Variants in LHX4 observed in about 807,000 individuals in gnomAD.
LHX4 encodes the protein LIM/homeobox protein Lhx4.
A neutral mutation model predicts 39.2 loss-of-function variants in LHX4; 16 were observed. That is an observed-to-expected ratio of 0.41 (90% confidence interval 0.28 to 0.62). The LOEUF (loss-of-function observed/expected upper bound fraction) is 0.62. LHX4 is among the 20% of genes least tolerant of loss of function. LHX4 has a pLI of 0.33. For missense variants in LHX4, 439 were observed against 511.9 expected (o/e 0.86, Z 1.37); for synonymous variants, 206 against 198.1 (o/e 1.04, Z -0.33).
At chr1:180,270,308 G>C (rs1391373834) in intron 3 of LHX4, 2 of 152,322 alleles carry the variant, frequency 1.3e-5, no homozygotes, top group African/African-American at 4.8e-5. Context: ...AGAAAAGACA[G>C]AGAGGAAGTC....
chr1:180,278,547 C>G lies in LHX4; in HGVS notation c.*3968C>G, dbSNP rs1298169661. On this transcript the variant is annotated 3_prime_UTR_variant, in exon 6 of 6. Coordinates refer to ENST00000263726, the MANE Select transcript of LHX4 (RefSeq NM_033343.4). The stretch of plus-strand genomic sequence containing the variant: ...AGGTTTGGGAGGTGCACCAAGCATT[C>G]CTTTGCTTAGGGAGGCAGAGCACAG... The G allele has an allele frequency of 6.6e-6, 1 of 152,052 alleles. No individual in the cohort carries two copies. Among genetic ancestry groups the G allele is most frequent in the African/African-American group, 2.4e-5 (1 of 41,358 alleles). 9.4% of individuals were successfully genotyped at this position (152,052 alleles called of 1,614,324 possible). A position where few individuals can be genotyped will look rare whatever the true frequency, so the allele number is the denominator to read the frequency against.
In LHX4 at chr1:180,234,311, C is replaced by A. The variant is rs1024798453; in HGVS notation, c.76+3706C>A. On this transcript the variant is annotated intron_variant, in intron 1 of 5. Coordinates refer to ENST00000263726, the MANE Select transcript of LHX4 (RefSeq NM_033343.4). This position sits in a 1 kb window ranked among gnomAD's most constrained non-coding sequence, Gnocchi z 4.8. ...CCTCCCTGCGTCGCGAGAATATATT[C>A]TCAGGCAGGAGACAATTTTTACAGA... Among the ~76,000 whole-genome samples the A allele has an allele frequency of 1.3e-5, 2 of 151,046 alleles. No homozygotes were observed. Among genetic ancestry groups the A allele is most frequent in the South Asian group, 2.1e-4 (1 of 4,798 alleles).
At chr1:180,257,716 A>G (rs1647917258) in intron 2 of LHX4, among the ~76,000 whole-genome samples, 1 of 152,260 alleles carries the variant, frequency 6.6e-6, no homozygotes, top group Non-Finnish European at 1.5e-5. Context: ...AATCACCGCC[A>G]AGCAATTAAA....
At position 180,275,111 on chromosome 1, in the gene LHX4, T is replaced by C. The variant is rs1648950822; in HGVS notation, c.*532T>C. ...TCAGTTATTAAAGGTCAGTGAACAC[T>C]TTGATGGCCAGTTTGATATTAAAAA... On this transcript the variant is annotated 3_prime_UTR_variant, in exon 6 of 6. Coordinates refer to ENST00000263726, the MANE Select transcript of LHX4 (RefSeq NM_033343.4). 6.6e-6 allele frequency: 1 copy of C among 152,510 alleles called. No homozygotes were observed. Among genetic ancestry groups the C allele is most frequent in the Non-Finnish European group, 1.5e-5 (1 of 68,214 alleles). 9.4% of individuals were successfully genotyped at this position (152,510 alleles called of 1,614,324 possible). A position where few individuals can be genotyped will look rare whatever the true frequency, so the allele number is the denominator to read the frequency against.
Position 180,230,563 on chromosome 1 carries a change from G to A in LHX4, c.34G>A (p.Ala12Thr), listed in dbSNP as rs749966063. 4 of 1,613,870 alleles carry A rather than the reference G, an allele frequency of 2.5e-6. No homozygotes were observed. Among genetic ancestry groups the A allele is most frequent in the Non-Finnish European group, 3.4e-6 (4 of 1,179,998 alleles). The change falls in exon 1 of 6, where the codon GCT becomes ACT. Residue 12 changes from alanine (A) to threonine (T), a missense_variant. Physicochemically the swap from Ala to Thr is moderately conservative, Grantham distance 58 (BLOSUM62 0). Transcript: ENST00000263726. The surrounding 1 kb of genome is among the most constrained non-coding windows in gnomAD (Gnocchi z 5.8). ...GAGTGCGACTGTCCCCGCGGAAGGG[G>A]CTGTCAAGGGGCTCCCGGAGATGCT... The part of the protein sequence containing the change: ...MQSATVPAEG[A>T]VKGLPEMLGV...
intron 2 of LHX4, among the ~76,000 whole-genome samples, chr1:180,250,273 G>C: frequency 6.6e-6 from 1 of 151,854 alleles, no homozygotes; most frequent in Non-Finnish European, 1.5e-5. Context: ...TCCTGGCCAA[G>C]CACCACAGCA....
At position 180,266,934 on chromosome 1, in the gene LHX4, T is replaced by C. The variant is rs572680406; in HGVS notation, c.451+340T>C. 6.6e-6 allele frequency among the ~76,000 whole-genome samples: 1 copy of C among 152,240 alleles called. No individual in the cohort carries two copies. Among genetic ancestry groups the C allele is most frequent in the Admixed American group, 6.5e-5 (1 of 15,298 alleles). On this transcript the variant is annotated intron_variant, in intron 3 of 5. Coordinates refer to ENST00000263726, the MANE Select transcript of LHX4 (RefSeq NM_033343.4). This position sits in a 1 kb window ranked among gnomAD's most constrained non-coding sequence, Gnocchi z 5.7. ...GGAGGCTGGGGTGCTGAGGGGTGGCTGGGAGCTTGGTCTGTATTGGACACG... is the reference window on the plus strand; with the variant it reads ...GGAGGCTGGGGTGCTGAGGGGTGGCCGGGAGCTTGGTCTGTATTGGACACG...
At position 180,234,356 on chromosome 1, in the gene LHX4, C is replaced by T. The variant is rs951332860; in HGVS notation, c.76+3751C>T. 2.0e-5 allele frequency among the ~76,000 whole-genome samples: 3 copies of T among 152,004 alleles called. No homozygotes were observed. The highest frequency in any genetic ancestry group is 4.2e-4 in the South Asian group (2 of 4,818). Reference sequence around the variant, plus strand: ...TACAGATGAGGTCAGCTGTCCCCGCCGGCCGATTCGGGCCTGATGGGTTGG... The same window carrying T: ...TACAGATGAGGTCAGCTGTCCCCGCTGGCCGATTCGGGCCTGATGGGTTGG... On this transcript the variant is annotated intron_variant, in intron 1 of 5. Coordinates refer to ENST00000263726, the MANE Select transcript of LHX4 (RefSeq NM_033343.4). This position sits in a 1 kb window ranked among gnomAD's most constrained non-coding sequence, Gnocchi z 4.8.
At chr1:180,235,361 A>T (rs970238375) in intron 1 of LHX4, among the ~76,000 whole-genome samples, 8 of 152,246 alleles carry the variant, frequency 5.3e-5, no homozygotes, top group African/African-American at 1.9e-4. Flanking sequence ...CAGCAAGGAT[A>T]GGCGCGGCAG....
rs1280778144 is a variant in LHX4 at position 180,277,979 on chromosome 1, C to T, written c.*3400C>T. 2 of 152,024 alleles carry T rather than the reference C, an allele frequency of 1.3e-5. No individual in the cohort carries two copies. The highest frequency in any genetic ancestry group is 2.4e-5 in the African/African-American group (1 of 41,388). The allele number at this position is 152,024 out of a possible 1,614,324, so 9.4% of individuals were successfully genotyped here. ...AAGGAAGTGTAAGAAATCTGTAAAA[C>T]AAAAGACATTCCTATCTCAGAAGCT... On this transcript the variant is annotated 3_prime_UTR_variant, in exon 6 of 6. Transcript: ENST00000263726.
intron 1 of LHX4, among the ~76,000 whole-genome samples, chr1:180,236,600 G>A (rs1026784897): frequency 3.9e-5 from 6 of 152,162 alleles, no homozygotes; most frequent in Non-Finnish European, 8.8e-5. Context: ...TCTTGTTTTG[G>A]ACGGGAATGG....
At chr1:180,244,043 G>A (rs1226786346) in intron 1 of LHX4, among the ~76,000 whole-genome samples, 2 of 152,126 alleles carry the variant, frequency 1.3e-5, no homozygotes, top group East Asian at 1.9e-4. Flanking sequence ...CTGATCTCGC[G>A]AAGGCTCAGT....
chr1:180,236,945 G>A (rs965694171), intron 1 of LHX4, among the ~76,000 whole-genome samples: 2 of 152,168 alleles, frequency 1.3e-5, no homozygotes, highest in Admixed American at 6.5e-5. Context: ...CCGTTGAGGC[G>A]ATTTTACTTT....
intron 5 of LHX4, 119 bp from the exon 6 acceptor site, chr1:180,274,066 G>GC: frequency 7.7e-7 from 1 of 1,298,382 alleles, no homozygotes; most frequent in Non-Finnish European, 1.1e-6. Flanking sequence ...ATGCTTGGCT[G>GC]CAAGGCAGCT....
intron 3 of LHX4, among the ~76,000 whole-genome samples, chr1:180,267,647 G>C (rs1648377570): frequency 6.6e-6 from 1 of 152,170 alleles, no homozygotes; most frequent in African/African-American, 2.4e-5. Flanking sequence ...CCTTTGACTA[G>C]AATTTTGATC....
Position 180,275,683 on chromosome 1 carries a change from T to C in LHX4, c.*1104T>C, listed in dbSNP as rs903576982. ...TTTCCAGGAACCAGCAATTTTTTTTTGGCCTACCTTGGTTGGGAAGAGTAA... is the reference window on the plus strand; with the variant it reads ...TTTCCAGGAACCAGCAATTTTTTTTCGGCCTACCTTGGTTGGGAAGAGTAA... On this transcript the variant is annotated 3_prime_UTR_variant, in exon 6 of 6. Transcript: ENST00000263726. 6.6e-6 allele frequency: 1 copy of C among 152,230 alleles called. No homozygotes were observed. The allele number at this position is 152,230 out of a possible 1,614,324, so 9.4% of individuals were successfully genotyped here.
chr1:180,229,553 G>A (rs1310998166), upstream of LHX4, among the ~76,000 whole-genome samples: 3 of 152,184 alleles, frequency 2.0e-5, no homozygotes, highest in African/African-American at 7.2e-5. Context: ...CCCAGCCTCA[G>A]CCAGACGCGG....
intron 2 of LHX4, among the ~76,000 whole-genome samples, chr1:180,251,395 G>A (rs357071): frequency 0.22 from 33,666 of 152,130 alleles, 5,772 homozygotes; most frequent in African/African-American, 0.48. Context: ...GTCCAGCTCC[G>A]CGGCAGACAG....
At chr1:180,259,435 G>A (rs1262834889) in intron 2 of LHX4, among the ~76,000 whole-genome samples, 1 of 151,826 alleles carries the variant, frequency 6.6e-6, no homozygotes, top group Non-Finnish European at 1.5e-5. Flanking sequence ...TGTGTCTGGT[G>A]GAGGTGCATG....
Sources: allele counts gnomAD v4.1 joint callset (sites outside exome capture counted in the v4.1 genomes callset), GRCh38; gene constraint gnomAD v4.1.1; non-coding constraint Gnocchi (gnomAD v3.1); transcripts MANE v1.5; gene names NCBI Gene and HGNC (gene_info 2026-07-23, HGNC 2026-07-21).